GLDC: variants seen among roughly 807,000 people sequenced by gnomAD.
GLDC encodes the protein glycine dehydrogenase (decarboxylating), mitochondrial.
In GLDC, 104 loss-of-function variants were observed where a neutral mutation model predicts 121.3. The ratio of observed to expected loss-of-function variants is 0.86; its 90% CI spans 0.73 to 1.01. GLDC has a LOEUF of 1.01. Among genes scored for constraint, GLDC ranks in the 50% least tolerant of loss-of-function variants. The probability of loss-of-function intolerance (pLI) is 0.00; values close to 1 mark genes in which losing one functional copy is unlikely to be tolerated. For missense variants in GLDC, 1,429 were observed against 1,306.6 expected, an observed-to-expected ratio of 1.09 and a Z score of -1.44; for synonymous variants, 546 against 480.6, an observed-to-expected ratio of 1.14 and a Z score of -1.78.
chr9:6,552,639 GCC>G (rs563239570), intron 20 of GLDC, among the ~76,000 whole-genome samples: 11 of 152,236 alleles, frequency 7.2e-5, no homozygotes, highest in African/African-American at 2.6e-4. Flanking sequence ...TTCAGTGGGA[GCC>G]CGCCTTCCTT....
intron 7 of GLDC, among the ~76,000 whole-genome samples, chr9:6,603,551 A>ATAAG (rs61591825): frequency 0.21 from 31,384 of 151,798 alleles, 3,675 homozygotes; most frequent in Admixed American, 0.28. Context: ...AAATAAATAA[A>ATAAG]TAAATAAAAT....
chr9:6,644,136 G>T (rs1449304872), intron 2 of GLDC, among the ~76,000 whole-genome samples: 1 of 151,022 alleles, frequency 6.6e-6, no homozygotes, highest in South Asian at 2.1e-4. Context: ...AAATTTGGAC[G>T]TGAGGTAAGA....
At position 6,588,452 on chromosome 9, in the gene GLDC, G is replaced by C; in HGVS notation, c.1666-10C>G. The C allele has an allele frequency of 1.9e-6, 3 of 1,608,986 alleles. No homozygotes were observed. The highest frequency in any genetic ancestry group is 2.6e-6 in the Non-Finnish European group (3 of 1,175,380). Reference sequence around the variant, plus strand: ...TCATGGTGCAGGATCCCTTTAAGAAGAACATCCAAAATGTATCACATTAGT... The same window carrying C: ...TCATGGTGCAGGATCCCTTTAAGAACAACATCCAAAATGTATCACATTAGT... On this transcript the variant is annotated splice_polypyrimidine_tract_variant and intron_variant, in intron 13 of 24. Coordinates refer to ENST00000321612, the MANE Select transcript of GLDC (RefSeq NM_000170.3).
intron 21 of GLDC, 41 bp downstream of exon 21, chr9:6,550,762 G>T: frequency 7.2e-7 from 1 of 1,394,144 alleles, no homozygotes; most frequent in Non-Finnish European, 1.0e-6. Flanking sequence ...GTTTGGCCAA[G>T]AAAAAAACCA....
At chr9:6,608,221 G>A (rs1818775302) in intron 4 of GLDC, among the ~76,000 whole-genome samples, 1 of 151,386 alleles carries the variant, frequency 6.6e-6, no homozygotes, top group Non-Finnish European at 1.5e-5. Flanking sequence ...AGACCCTCCT[G>A]GCTAACAGGG....
chr9:6,606,309 C>CAAA (rs56758871), intron 5 of GLDC, among the ~76,000 whole-genome samples: 34 of 89,330 alleles, frequency 3.8e-4, no homozygotes, highest in African/African-American at 5.9e-4. Context: ...GACTCCGTCT[C>CAAA]AAAAAAAAAA....
Position 6,571,701 on chromosome 9 carries a change from T to C in GLDC, c.1851-6272A>G, listed in dbSNP as rs146812318. ...CAGGGTTTCATCACACTATTTAGAA[T>C]GGTGTACAATTTAAAACTTAGGATG... On this transcript the variant is annotated intron_variant, in intron 15 of 24. Transcript: ENST00000321612. Among the ~76,000 whole-genome samples, 4 of 152,332 alleles carry C rather than the reference T, an allele frequency of 2.6e-5. No individual in the cohort carries two copies. In the East Asian group the frequency reaches 7.7e-4, roughly 29 times the overall value.
At chr9:6,643,460 G>A (rs556262591) in intron 2 of GLDC, among the ~76,000 whole-genome samples, 1 of 150,304 alleles carries the variant, frequency 6.7e-6, no homozygotes, top group East Asian at 1.9e-4. Context: ...TAAAACAGCT[G>A]CTCTCTCTTC....
In GLDC at chr9:6,604,739, T is replaced by A. The variant is rs753551054; in HGVS notation, c.907A>T (p.Arg303Trp). The change falls in exon 7 of 25, where the codon AGG becomes TGG. Residue 303 changes from arginine to tryptophan, a missense_variant. Physicochemically the swap from Arg to Trp is moderately radical, Grantham distance 101. Transcript: ENST00000321612. ...ATDLLALCILRPPGEFGVDIA... is the reference protein window; with the variant it reads ...ATDLLALCILWPPGEFGVDIA... ...TCTACCCCAAATTCTCCAGGTGGCC[T>A]CAAGATGCACAAAGCTAAAAGGTCA... 2 of 1,614,120 alleles carry A rather than the reference T, an allele frequency of 1.2e-6. No homozygotes were observed. The highest frequency in any genetic ancestry group is 4.5e-5 in the East Asian group (2 of 44,888).
chr9:6,538,589 G>C (rs1817186341), intron 22 of GLDC, among the ~76,000 whole-genome samples: 1 of 152,178 alleles, frequency 6.6e-6, no homozygotes, highest in Non-Finnish European at 1.5e-5. Flanking sequence ...CAGGCACCTG[G>C]ACAATTCTGG....
chr9:6,634,902 T>A (rs1445079241), intron 2 of GLDC, among the ~76,000 whole-genome samples: 2 of 152,168 alleles, frequency 1.3e-5, no homozygotes, highest in East Asian at 1.9e-4. Context: ...CACTTCCCTC[T>A]ATAGTAACTT....
At chr9:6,629,134 G>C (rs749687194) in intron 2 of GLDC, among the ~76,000 whole-genome samples, 1 of 151,542 alleles carries the variant, frequency 6.6e-6, no homozygotes, top group Non-Finnish European at 1.5e-5. Flanking sequence ...TTGCCACTGC[G>C]CCTAAAATAG....
intron 3 of GLDC, among the ~76,000 whole-genome samples, chr9:6,613,626 G>T (rs7044487): frequency 0.64 from 97,855 of 152,102 alleles, 33,561 homozygotes; most frequent in African/African-American, 0.88. Flanking sequence ...AATTTCTTCA[G>T]GTAAATCTTG....
At chr9:6,598,482 A>G (rs1218083624) in intron 8 of GLDC, among the ~76,000 whole-genome samples, 1 of 152,008 alleles carries the variant, frequency 6.6e-6, no homozygotes, top group Non-Finnish European at 1.5e-5. Flanking sequence ...CTAAGAGTGG[A>G]CTCCCCCACC....
At chr9:6,571,444 T>C (rs2129778826) in intron 15 of GLDC, among the ~76,000 whole-genome samples, 1 of 152,364 alleles carries the variant, frequency 6.6e-6, no homozygotes, top group South Asian at 2.1e-4. Context: ...ATCACTACTC[T>C]TGTGCTTTGG....
At chr9:6,545,453 C>G (rs1817368408) in intron 21 of GLDC, among the ~76,000 whole-genome samples, 1 of 152,056 alleles carries the variant, frequency 6.6e-6, no homozygotes, top group Non-Finnish European at 1.5e-5. Context: ...GTGTAGGGCA[C>G]TTACCATGAA....
At chr9:6,639,667 AAG>A (rs1563875119) in intron 2 of GLDC, 11 of 322,160 alleles carry the variant, frequency 3.4e-5, no homozygotes, top group East Asian at 3.3e-4. Flanking sequence ...CATAAAAAAA[AAG>A]TATATATATA....
intron 22 of GLDC, among the ~76,000 whole-genome samples, chr9:6,536,752 TA>T (rs1382520021): frequency 3.9e-5 from 6 of 152,214 alleles, no homozygotes; most frequent in African/African-American, 1.4e-4. Context: ...TTAAGAGAAA[TA>T]AAAATATTAT....
At chr9:6,557,302 A>C (rs1479636983) in intron 17 of GLDC, among the ~76,000 whole-genome samples, 1 of 152,214 alleles carries the variant, frequency 6.6e-6, no homozygotes, top group African/African-American at 2.4e-5. Context: ...ATTTAAAAAG[A>C]TAAAGAACAG....
Sources: allele counts gnomAD v4.1 joint callset (sites outside exome capture counted in the v4.1 genomes callset), GRCh38; gene constraint gnomAD v4.1.1; transcripts MANE v1.5; gene names NCBI Gene and HGNC (gene_info 2026-07-23, HGNC 2026-07-21).